The following CFAP299 variants were observed in gnomAD, a reference collection of about 807,000 sequenced individuals.
The protein encoded by CFAP299 is cilia and flagella associated protein 299, also known as cilia- and flagella-associated protein 299.
CFAP299 carries 21 observed loss-of-function variants against 27.0 expected under a neutral mutation model. That is an observed-to-expected ratio of 0.78 (90% confidence interval 0.55 to 1.12). The LOEUF (loss-of-function observed/expected upper bound fraction) is 1.12. Ranked by LOEUF, CFAP299 falls within the 50% of genes most tolerant of loss-of-function variation. The pLI is 0.00. For synonymous variants in CFAP299, 104 were observed against 98.1 expected (o/e 1.06, Z -0.36); for missense variants, 310 against 276.6 (o/e 1.12, Z -0.86).
chr4:80,933,271 A>G (rs1325794059), intron 4 of CFAP299, among the ~76,000 whole-genome samples: 1 of 151,988 alleles, frequency 6.6e-6, no homozygotes, highest in Non-Finnish European at 1.5e-5. Context: ...CCAATCACGT[A>G]TTCATCCCTT....
At chr4:80,352,442 C>G (rs1429774382) in intron 1 of CFAP299, among the ~76,000 whole-genome samples, 1 of 152,106 alleles carries the variant, frequency 6.6e-6, no homozygotes, top group Non-Finnish European at 1.5e-5. Context: ...TGGTGCACAC[C>G]TGTAATCCCA....
chr4:80,378,551 G>A (rs753015047), intron 2 of CFAP299, among the ~76,000 whole-genome samples: 1 of 150,974 alleles, frequency 6.6e-6, no homozygotes, highest in Non-Finnish European at 1.5e-5. Flanking sequence ...GGGTTTTTTT[G>A]TAGATACTGT....
intron 2 of CFAP299, among the ~76,000 whole-genome samples, chr4:80,367,504 G>T (rs1252180182): frequency 6.6e-6 from 1 of 151,844 alleles, no homozygotes; most frequent in East Asian, 1.9e-4. Context: ...CTTCACTAAG[G>T]CCCTTTTTTC....
intron 2 of CFAP299, among the ~76,000 whole-genome samples, chr4:80,545,026 A>C (rs1189604905): frequency 2.6e-5 from 4 of 152,192 alleles, no homozygotes. Context: ...TTAGACCACA[A>C]TGCAATAAAA....
chr4:80,799,093 G>A (rs1161922566), intron 3 of CFAP299, among the ~76,000 whole-genome samples: 2 of 138,620 alleles, frequency 1.4e-5, no homozygotes, highest in Non-Finnish European at 3.0e-5. Flanking sequence ...TAGTGTGTGT[G>A]AGTTTATATA....
chr4:80,733,517 T>C (rs1057266239), intron 3 of CFAP299, among the ~76,000 whole-genome samples: 3 of 152,120 alleles, frequency 2.0e-5, no homozygotes, highest in African/African-American at 4.8e-5. Flanking sequence ...TTATTGACTA[T>C]AGTCACATAT....
At chr4:80,639,513 CAG>C (rs1383642907) in intron 3 of CFAP299, among the ~76,000 whole-genome samples, 1 of 152,088 alleles carries the variant, frequency 6.6e-6, no homozygotes, top group Non-Finnish European at 1.5e-5. Context: ...AGTTTTAAGA[CAG>C]TGACAGAAAA....
chr4:80,592,913 T>A (rs534885009), intron 3 of CFAP299, among the ~76,000 whole-genome samples: 1 of 152,334 alleles, frequency 6.6e-6, no homozygotes, highest in South Asian at 2.1e-4. Flanking sequence ...AATTTAGCAA[T>A]CATGTTTACT....
At chr4:80,871,416 G>A (rs969649326) in intron 4 of CFAP299, 1 of 985,360 alleles carries the variant, frequency 1.0e-6, no homozygotes, top group Non-Finnish European at 1.2e-6. Context: ...GAAATTTTAG[G>A]AAATTTCACA....
intron 3 of CFAP299, among the ~76,000 whole-genome samples, chr4:80,815,211 G>A (rs867947707): frequency 5.3e-5 from 8 of 151,808 alleles, no homozygotes; most frequent in Middle Eastern, 3.4e-3. Context: ...TTGTCCAATA[G>A]GAGTTCTAGA....
At chr4:80,938,355 C>T (rs937314395) in intron 4 of CFAP299, among the ~76,000 whole-genome samples, 9 of 152,112 alleles carry the variant, frequency 5.9e-5, no homozygotes, top group Admixed American at 4.6e-4. Flanking sequence ...CCACCCAGGG[C>T]GGAAAACTGC....
At chr4:80,522,397 A>G (rs915720795) in intron 2 of CFAP299, among the ~76,000 whole-genome samples, 1 of 151,954 alleles carries the variant, frequency 6.6e-6, no homozygotes, top group Non-Finnish European at 1.5e-5. Context: ...TATATTTTGG[A>G]TACAAACCCT....
chr4:80,541,378 A>T (rs1733987540), intron 2 of CFAP299, among the ~76,000 whole-genome samples: 2 of 152,218 alleles, frequency 1.3e-5, no homozygotes, highest in African/African-American at 4.8e-5. Flanking sequence ...GGGTTACTTC[A>T]ATCAAAGTTT....
At chr4:80,399,447 T>C (rs1479883088) in intron 2 of CFAP299, among the ~76,000 whole-genome samples, 1 of 152,052 alleles carries the variant, frequency 6.6e-6, no homozygotes, top group East Asian at 1.9e-4. Flanking sequence ...AACCCAAATG[T>C]CCATCAATGA....
intron 2 of CFAP299, among the ~76,000 whole-genome samples, chr4:80,508,984 C>T (rs79816986): frequency 4.7e-3 from 710 of 152,186 alleles, no homozygotes; most frequent in Middle Eastern, 0.024. Context: ...GAACTATAGA[C>T]TTCTAGAGCT....
intron 2 of CFAP299, among the ~76,000 whole-genome samples, chr4:80,448,952 C>G (rs1053764545): frequency 6.6e-6 from 1 of 152,082 alleles, no homozygotes; most frequent in Non-Finnish European, 1.5e-5. Context: ...AATCTCCTAC[C>G]TCCTCATGGG....
Position 80,391,908 on chromosome 4 carries a change from G to A in CFAP299, c.242+29024G>A, listed in dbSNP as rs928553508. On this transcript the variant is annotated intron_variant, in intron 2 of 5. Transcript: ENST00000358105. ...GGTGTGTACCCCAAAAAGCCACAGCGGTGGAGCTGCCCAAGTCCATGGGAG... is the reference window on the plus strand; with the variant it reads ...GGTGTGTACCCCAAAAAGCCACAGCAGTGGAGCTGCCCAAGTCCATGGGAG... Among the ~76,000 whole-genome samples, 14 of 152,310 alleles carry A rather than the reference G, an allele frequency of 9.2e-5. No individual in the cohort carries two copies. In the South Asian group the frequency reaches 1.2e-3, roughly 14 times the overall value.
intron 3 of CFAP299, among the ~76,000 whole-genome samples, chr4:80,862,942 A>AT (rs1243389755): frequency 1.3e-5 from 2 of 152,194 alleles, no homozygotes; most frequent in Non-Finnish European, 2.9e-5. Flanking sequence ...ACAATAGTTG[A>AT]TTCGCAGAGA....
In CFAP299 at chr4:80,555,376, A is replaced by C. The variant is rs1469069300; in HGVS notation, c.243-27717A>C. Among the ~76,000 whole-genome samples, 4 of 152,030 alleles carry C rather than the reference A, an allele frequency of 2.6e-5. No homozygotes were observed. The East Asian group carries it at 5.8e-4, about 22-fold the overall frequency. On this transcript the variant is annotated intron_variant, in intron 2 of 5. Coordinates refer to ENST00000358105, the MANE Select transcript of CFAP299 (RefSeq NM_152770.3). ...TTGATCATGGTAGATTAGCTTTTTG[A>C]TGTGCTGCTAGATTTGGTTTGCCAA...
Sources: allele counts gnomAD v4.1 joint callset (sites outside exome capture counted in the v4.1 genomes callset), GRCh38; gene constraint gnomAD v4.1.1; transcripts MANE v1.5; gene names NCBI Gene and HGNC (gene_info 2026-07-23, HGNC 2026-07-21).